Variants in PKNOX2 observed in about 807,000 individuals in gnomAD.
The protein encoded by PKNOX2 is PBX/knotted 1 homeobox 2, also known as homeobox protein PKNOX2.
PKNOX2 carries 14 observed loss-of-function variants against 53.1 expected under a neutral mutation model. That is an observed-to-expected ratio of 0.26 (90% CI 0.17 to 0.41). PKNOX2 has a LOEUF of 0.41. PKNOX2 is among the 10% of genes least tolerant of loss of function. PKNOX2 has a pLI of 1.00. For synonymous variants in PKNOX2, 257 were observed against 242.8 expected (o/e 1.06, Z -0.54); for missense variants, 496 against 602.8 (o/e 0.82, Z 1.85).
intron 5 of PKNOX2, among the ~76,000 whole-genome samples, chr11:125,381,565 G>A (rs945295240): frequency 5.9e-5 from 9 of 152,084 alleles, no homozygotes; most frequent in South Asian, 2.1e-4. Flanking sequence ...TCTGACACCT[G>A]GAAGTGAAGG....
At chr11:125,263,656 C>A (rs1945069044) in intron 2 of PKNOX2, among the ~76,000 whole-genome samples, 2 of 152,254 alleles carry the variant, frequency 1.3e-5, no homozygotes, top group Non-Finnish European at 2.9e-5. Flanking sequence ...GAGGGCCAGA[C>A]TGGGCCCCAC....
chr11:125,403,719 TG>T (rs1293022796), intron 7 of PKNOX2, among the ~76,000 whole-genome samples: 2 of 152,008 alleles, frequency 1.3e-5, no homozygotes, highest in African/African-American at 2.4e-5. Flanking sequence ...GGGACCTGGG[TG>T]GAGAGTGATG....
At chr11:125,298,599 C>T (rs899588709) in intron 2 of PKNOX2, among the ~76,000 whole-genome samples, 3 of 152,192 alleles carry the variant, frequency 2.0e-5, no homozygotes, top group African/African-American at 7.2e-5. Context: ...AGACAGGCCT[C>T]CAGGCCCCCA....
intron 1 of PKNOX2, among the ~76,000 whole-genome samples, chr11:125,176,400 C>T (rs1022572082): frequency 6.6e-6 from 1 of 152,206 alleles, no homozygotes; most frequent in Non-Finnish European, 1.5e-5. Context: ...AGATGGGTTC[C>T]TGCCGGGAGG....
intron 6 of PKNOX2, 86 bp from the exon 7 acceptor site, chr11:125,397,788 C>G: frequency 2.1e-6 from 3 of 1,409,286 alleles, no homozygotes; most frequent in Non-Finnish European, 2.9e-6. Flanking sequence ...GGGCTCCCCT[C>G]CCCTGGGGTG....
chr11:125,407,396 T>G (rs944761132), intron 7 of PKNOX2, among the ~76,000 whole-genome samples: 1 of 152,220 alleles, frequency 6.6e-6, no homozygotes, highest in African/African-American at 2.4e-5. Flanking sequence ...CATCTTGTAT[T>G]TATTTTACTG....
chr11:125,306,787 C>T lies in PKNOX2; in HGVS notation c.-129-25032C>T, dbSNP rs907193681. Among the ~76,000 whole-genome samples the T allele has an allele frequency of 3.9e-5, 6 of 152,160 alleles. No homozygotes were observed. In the East Asian group the frequency reaches 9.7e-4, roughly 25 times the overall value. On this transcript the variant is annotated intron_variant, in intron 2 of 12. Transcript: ENST00000298282. ...GAGGGGTCTGGGACTCATTCTAGGT[C>T]GGACCATGGGCTCTCTGGGGACTGA...
At chr11:125,369,711 A>G (rs1241680975) in intron 5 of PKNOX2, among the ~76,000 whole-genome samples, 2 of 152,188 alleles carry the variant, frequency 1.3e-5, no homozygotes, top group East Asian at 3.9e-4. Context: ...CAGTGGCCAG[A>G]GAAGCTGGGA....
rs114248695 is a variant in PKNOX2 at position 125,241,034 on chromosome 11, G to A, written c.-130+5919G>A. Among the ~76,000 whole-genome samples the A allele has an allele frequency of 5.8e-3, 877 of 152,248 alleles. 7 individuals carry two copies. The highest frequency in any genetic ancestry group is 0.019 in the African/African-American group (797 of 41,526). ...CCTAATTAATGCTGCTGTGATATGCGGCCATGCCATCCCCATGCTGGACCA... is the reference window on the plus strand; with the variant it reads ...CCTAATTAATGCTGCTGTGATATGCAGCCATGCCATCCCCATGCTGGACCA... On this transcript the variant is annotated intron_variant, in intron 2 of 12. Transcript: ENST00000298282.
intron 2 of PKNOX2, among the ~76,000 whole-genome samples, chr11:125,256,614 C>T (rs375133132): frequency 2.0e-5 from 3 of 152,172 alleles, no homozygotes; most frequent in East Asian, 1.9e-4. Flanking sequence ...TGGTGGTCAG[C>T]GGTGCCTCCC....
rs141891707 is a variant in PKNOX2 at position 125,173,468 on chromosome 11, C to T, written c.-201+8692C>T. Among the ~76,000 whole-genome samples, 585 of 152,280 alleles carry T rather than the reference C, an allele frequency of 3.8e-3. 4 individuals carry two copies. The highest frequency in any genetic ancestry group is 0.017 in the Middle Eastern group (5 of 294). ...GGTTCTTCCTTTAGCCTTCTGGAGA[C>T]AACACAAGCCATTCCTGAGCTCTAC... On this transcript the variant is annotated intron_variant, in intron 1 of 12. Coordinates refer to ENST00000298282, the MANE Select transcript of PKNOX2 (RefSeq NM_001382323.2).
chr11:125,347,825 A>C (rs1448207663), intron 3 of PKNOX2, among the ~76,000 whole-genome samples: 1 of 152,170 alleles, frequency 6.6e-6, no homozygotes, highest in African/African-American at 2.4e-5. Flanking sequence ...AAACAAAACA[A>C]ATCAAAAAGC....
intron 10 of PKNOX2, among the ~76,000 whole-genome samples, chr11:125,418,840 A>G (rs559313483): frequency 2.0e-5 from 3 of 151,994 alleles, no homozygotes; most frequent in Non-Finnish European, 4.4e-5. Flanking sequence ...TTCCCTAAAC[A>G]ACACAGTATA....
intron 4 of PKNOX2, among the ~76,000 whole-genome samples, chr11:125,361,144 A>T (rs1951903059): frequency 1.3e-5 from 2 of 152,244 alleles, no homozygotes; most frequent in Non-Finnish European, 2.9e-5. Context: ...GTCATTCCTG[A>T]TTCAACAGAT....
intron 5 of PKNOX2, among the ~76,000 whole-genome samples, chr11:125,372,234 G>A (rs555894477): frequency 4.6e-5 from 7 of 152,258 alleles, no homozygotes; most frequent in East Asian, 1.9e-4. Flanking sequence ...GCTGATCCCC[G>A]TGATGTAAAT....
chr11:125,369,753 A>G (rs1316216018), intron 5 of PKNOX2, among the ~76,000 whole-genome samples: 4 of 152,190 alleles, frequency 2.6e-5, no homozygotes. Flanking sequence ...GACACCTGTA[A>G]TTAACCTGGG....
Position 125,302,527 on chromosome 11 carries a change from C to T in PKNOX2, c.-129-29292C>T, listed in dbSNP as rs116732386. ...ACAGGCTTCTAGAGAGGAAGCCAGCCTCTGGCTGTCAGGAAGCTCTCGGCC... is the reference window on the plus strand; with the variant it reads ...ACAGGCTTCTAGAGAGGAAGCCAGCTTCTGGCTGTCAGGAAGCTCTCGGCC... On this transcript the variant is annotated intron_variant, in intron 2 of 12. Transcript: ENST00000298282. 6.8e-3 allele frequency among the ~76,000 whole-genome samples: 1,041 copies of T among 152,334 alleles called. 9 individuals are homozygous for T. The highest frequency in any genetic ancestry group is 0.024 in the African/African-American group (996 of 41,572).
intron 4 of PKNOX2, among the ~76,000 whole-genome samples, chr11:125,364,925 G>T (rs777003990): frequency 3.3e-5 from 5 of 152,072 alleles, no homozygotes; most frequent in Non-Finnish European, 5.9e-5. Context: ...CAGCTGGTCA[G>T]TCCGACTCTG....
chr11:125,389,682 G>A (rs1953908080), intron 6 of PKNOX2, among the ~76,000 whole-genome samples: 1 of 152,162 alleles, frequency 6.6e-6, no homozygotes, highest in South Asian at 2.1e-4. Flanking sequence ...AAAGCTTTTT[G>A]TTTTATAAAA....
Sources: gnomAD v4.1 joint callset for allele counts (sites outside exome capture counted in the v4.1 genomes callset) on GRCh38, gnomAD v4.1.1 for gene constraint, MANE v1.5 for transcripts, NCBI Gene and HGNC (gene_info 2026-07-23, HGNC 2026-07-21) for gene names.